Variants in FNDC1 observed in about 807,000 individuals in gnomAD.
FNDC1 encodes the protein fibronectin type III domain-containing protein 1.
FNDC1 carries 96 observed loss-of-function variants against 168.0 expected under a neutral mutation model. The ratio of observed to expected loss-of-function variants is 0.57; its 90% CI spans 0.48 to 0.68. The LOEUF (loss-of-function observed/expected upper bound fraction) is 0.68, where lower values mean the gene tolerates loss of function less well. Ranked by LOEUF, FNDC1 falls within the 30% of genes least tolerant of loss-of-function variation. The probability of loss-of-function intolerance (pLI) is 0.00; values close to 1 mark genes in which losing one functional copy is unlikely to be tolerated. For synonymous variants in FNDC1, 1,099 were observed against 1,025.9 expected (o/e 1.07, Z -1.36); for missense variants, 2,587 against 2,482.1 (o/e 1.04, Z -0.90).
intron 1 of FNDC1, among the ~76,000 whole-genome samples, chr6:159,190,264 C>T (rs971680774): frequency 6.6e-6 from 1 of 152,194 alleles, no homozygotes; most frequent in Admixed American, 6.5e-5. Flanking sequence ...ACTGTGGTGC[C>T]ATAGAGCACA....
intron 4 of FNDC1, among the ~76,000 whole-genome samples, chr6:159,207,350 C>T (rs1311262600): frequency 6.6e-6 from 1 of 152,166 alleles, no homozygotes; most frequent in Non-Finnish European, 1.5e-5. Context: ...GATGGGTGGT[C>T]CCTGCCTGTG....
intron 1 of FNDC1, among the ~76,000 whole-genome samples, chr6:159,172,836 C>T (rs1781688351): frequency 6.6e-6 from 1 of 152,158 alleles, no homozygotes; most frequent in Non-Finnish European, 1.5e-5. Flanking sequence ...AGCTACACAT[C>T]TGTGTGAGGC....
intron 9 of FNDC1, among the ~76,000 whole-genome samples, chr6:159,226,929 A>C (rs1348171076): frequency 6.6e-6 from 1 of 152,224 alleles, no homozygotes; most frequent in Non-Finnish European, 1.5e-5. Context: ...AGCAGGTGTC[A>C]GCAGGAATCC....
intron 1 of FNDC1, among the ~76,000 whole-genome samples, chr6:159,174,871 C>T (rs2114915647): frequency 6.6e-6 from 1 of 152,308 alleles, no homozygotes; most frequent in East Asian, 1.9e-4. Flanking sequence ...GAACTGCCTC[C>T]TTGGCCCTGA....
chr6:159,266,327 C>CAA, intron 21 of FNDC1, 82 bp downstream of exon 21: 3 of 1,430,628 alleles, frequency 2.1e-6, no homozygotes, highest in Non-Finnish European at 2.9e-6. Context: ...ACAGGTGCAT[C>CAA]GGAATGTTTA....
intron 1 of FNDC1, among the ~76,000 whole-genome samples, chr6:159,185,827 A>T (rs1031769610): frequency 2.0e-5 from 3 of 152,188 alleles, no homozygotes; most frequent in Non-Finnish European, 4.4e-5. Context: ...GTCATGACTG[A>T]ATGTTTAGTA....
intron 21 of FNDC1, 60 bp from the exon 22 acceptor site, chr6:159,267,744 T>G: frequency 1.9e-6 from 3 of 1,598,918 alleles, no homozygotes; most frequent in Non-Finnish European, 2.6e-6. Context: ...GCAAAAAAAC[T>G]CCTAAACCAG....
intron 15 of FNDC1, among the ~76,000 whole-genome samples, chr6:159,247,678 A>C (rs577663667): frequency 4.6e-5 from 7 of 152,170 alleles, no homozygotes; most frequent in African/African-American, 1.7e-4. Flanking sequence ...TCAGCCCAGG[A>C]GTTCGAGCTA....
Position 159,267,794 on chromosome 6 carries a change from C to T in FNDC1, c.5447-10C>T, listed in dbSNP as rs757479191. ...ACCTAGTCATGGACTCAATCAATTC[C>T]TTCATGCAGATACATTCTACAGCAT... is the stretch of plus-strand genomic sequence containing the variant. On this transcript the variant is annotated splice_polypyrimidine_tract_variant and intron_variant, in intron 21 of 22. Transcript: ENST00000297267. 7.4e-6 allele frequency: 12 copies of T among 1,613,614 alleles called. No individual in the cohort carries two copies. The highest frequency in any genetic ancestry group is 1.7e-5 in the Admixed American group (1 of 59,964).
chr6:159,221,434 G>A (rs1304216490), intron 5 of FNDC1, among the ~76,000 whole-genome samples, 164 bp from the exon 6 acceptor site: 1 of 152,068 alleles, frequency 6.6e-6, no homozygotes, highest in Non-Finnish European at 1.5e-5. Flanking sequence ...TGCAGTTCTT[G>A]GGCTCGCCCT....
chr6:159,229,634 C>T (rs1457666431), intron 9 of FNDC1, among the ~76,000 whole-genome samples, 181 bp from the exon 10 acceptor site: 1 of 152,158 alleles, frequency 6.6e-6, no homozygotes, highest in Non-Finnish European at 1.5e-5. Flanking sequence ...TGTGGTTGCC[C>T]GAATGAATGT....
At chr6:159,248,891 T>A in intron 15 of FNDC1, 148 bp from the exon 16 acceptor site, 1 of 631,732 alleles carries the variant, frequency 1.6e-6, no homozygotes, top group South Asian at 3.1e-5. Context: ...CGTTTGGGCA[T>A]AGCATTTATT....
At position 159,207,318 on chromosome 6, in the gene FNDC1, C is replaced by T. The variant is rs60103195; in HGVS notation, c.460+6737C>T. 3.0e-3 allele frequency among the ~76,000 whole-genome samples: 449 copies of T among 152,176 alleles called. 1 individual carries two copies. Among genetic ancestry groups the T allele is most frequent in the African/African-American group, 0.01 (416 of 41,506 alleles). ...GAGCGACTGTTCCGACTGTGAGGGG[C>T]GGGGGCTCTGGGAAGGTGGGAGATG... is the stretch of plus-strand genomic sequence containing the variant. On this transcript the variant is annotated intron_variant, in intron 4 of 22. Coordinates refer to ENST00000297267, the MANE Select transcript of FNDC1 (RefSeq NM_032532.3).
At chr6:159,231,856 A>C in intron 10 of FNDC1, 26 bp from the exon 11 acceptor site, 3 of 1,555,108 alleles carry the variant, frequency 1.9e-6, no homozygotes, top group East Asian at 2.3e-5. Context: ...CTTCTTTGAC[A>C]GGCAATTCTT....
intron 1 of FNDC1, among the ~76,000 whole-genome samples, chr6:159,181,402 C>T (rs1488698437): frequency 6.6e-6 from 1 of 152,190 alleles, no homozygotes; most frequent in East Asian, 1.9e-4. Context: ...TCAAGCCTGG[C>T]TAGGTCCTTC....
Position 159,190,737 on chromosome 6 carries a change from C to T in FNDC1, c.110-6694C>T, listed in dbSNP as rs148577440. On this transcript the variant is annotated intron_variant, in intron 1 of 22. Coordinates refer to ENST00000297267, the MANE Select transcript of FNDC1 (RefSeq NM_032532.3). The stretch of plus-strand genomic sequence containing the variant: ...TTTTGTTTTGAACTCAAATGTTCAT[C>T]ATGAGCACTTTTGTGCCCCATGCTT... Among the ~76,000 whole-genome samples, 1,317 of 152,376 alleles carry T rather than the reference C, an allele frequency of 8.6e-3. 23 individuals are homozygous for T. Among genetic ancestry groups the T allele is most frequent in the African/African-American group, 0.03 (1,266 of 41,590 alleles).
At chr6:159,199,248 G>A (rs977383921) in intron 2 of FNDC1, among the ~76,000 whole-genome samples, 4 of 152,144 alleles carry the variant, frequency 2.6e-5, no homozygotes, top group Non-Finnish European at 5.9e-5. Context: ...CGTTCAGGGT[G>A]CCCTCCCCTG....
chr6:159,192,171 C>T (rs905543869), intron 1 of FNDC1, among the ~76,000 whole-genome samples: 6 of 152,232 alleles, frequency 3.9e-5, no homozygotes, highest in African/African-American at 1.4e-4. Context: ...AGCCACCACG[C>T]TCAGCCATGT....
At chr6:159,208,464 C>T (rs1782531488) in intron 4 of FNDC1, among the ~76,000 whole-genome samples, 1 of 152,194 alleles carries the variant, frequency 6.6e-6, no homozygotes, top group Non-Finnish European at 1.5e-5. Context: ...CCTCTTAATT[C>T]TTGTGGTCGT....
Sources: gnomAD v4.1 joint callset for allele counts (sites outside exome capture counted in the v4.1 genomes callset) on GRCh38, gnomAD v4.1.1 for gene constraint, MANE v1.5 for transcripts, NCBI Gene and HGNC (gene_info 2026-07-23, HGNC 2026-07-21) for gene names.